The following ATRNL1 variants were observed in gnomAD, a reference collection of about 807,000 sequenced individuals.
ATRNL1 encodes attractin like 1, also known as attractin-like protein 1.
Under a neutral mutation model 182.7 loss-of-function variants are expected in ATRNL1, and 95 were observed. The ratio of observed to expected loss-of-function variants is 0.52; its 90% CI spans 0.44 to 0.62. The LOEUF (loss-of-function observed/expected upper bound fraction) is 0.62, where lower values mean the gene tolerates loss of function less well. ATRNL1 is among the 20% of genes least tolerant of loss of function. The pLI, the probability that ATRNL1 is intolerant of heterozygous loss-of-function variation, is 0.00. For missense variants in ATRNL1, 1,471 were observed against 1,679.5 expected (o/e 0.88, Z 2.17); for synonymous variants, 576 against 568.3 (o/e 1.01, Z -0.19).
chr10:115,929,899 C>G (rs1953344350), intron 28 of ATRNL1, among the ~76,000 whole-genome samples: 1 of 152,054 alleles, frequency 6.6e-6, no homozygotes, highest in African/African-American at 2.4e-5. Context: ...TTTTTAAATA[C>G]TAATCCAATC....
rs868959308 is a variant in ATRNL1, at chr10:115,510,418, C to T, written c.3655-8845C>T. 1.4e-4 allele frequency among the ~76,000 whole-genome samples: 21 copies of T among 152,112 alleles called. 1 individual carries two copies. The Middle Eastern group carries it at 0.017, about 123-fold the overall frequency. On this transcript the variant is annotated intron_variant, in intron 24 of 28. Transcript: ENST00000355044. The stretch of plus-strand genomic sequence containing the variant: ...AGAAATTGCCACAATCACTCCAACC[C>T]TCAGGAACCATTACCCTGATCAGGC...
At chr10:115,803,808 A>G (rs1175957876) in intron 27 of ATRNL1, among the ~76,000 whole-genome samples, 1 of 152,116 alleles carries the variant, frequency 6.6e-6, no homozygotes, top group African/African-American at 2.4e-5. Context: ...TGTTATGAAC[A>G]TATTAACTTA....
intron 7 of ATRNL1, among the ~76,000 whole-genome samples, chr10:115,170,511 T>C (rs149179267): frequency 2.0e-3 from 309 of 150,736 alleles, no homozygotes; most frequent in African/African-American, 7.5e-3. Context: ...GTCTTTTTGG[T>C]GAAGAGCACG....
chr10:115,347,866 G>A (rs780758466), intron 19 of ATRNL1, among the ~76,000 whole-genome samples: 4 of 152,160 alleles, frequency 2.6e-5, no homozygotes, highest in Non-Finnish European at 5.9e-5. Context: ...TAATCTTTGT[G>A]GCTATGGAAA....
At chr10:115,376,941 A>G (rs1054469245) in intron 19 of ATRNL1, among the ~76,000 whole-genome samples, 20 of 152,226 alleles carry the variant, frequency 1.3e-4, no homozygotes, top group African/African-American at 4.8e-4. Flanking sequence ...TTAATTTCAA[A>G]TGATCTATCT....
At chr10:115,446,879 G>A (rs1438878227) in intron 21 of ATRNL1, among the ~76,000 whole-genome samples, 1 of 151,702 alleles carries the variant, frequency 6.6e-6, no homozygotes, top group Non-Finnish European at 1.5e-5. Context: ...TATGAGAGGT[G>A]GTTTGCTTGG....
intron 26 of ATRNL1, among the ~76,000 whole-genome samples, chr10:115,587,804 C>T (rs1855647610): frequency 6.6e-6 from 1 of 152,036 alleles, no homozygotes; most frequent in African/African-American, 2.4e-5. Flanking sequence ...TCTTTTGACA[C>T]TAAACTTTTA....
chr10:115,280,642 C>T (rs782507018), intron 13 of ATRNL1, among the ~76,000 whole-genome samples: 4 of 152,166 alleles, frequency 2.6e-5, no homozygotes, highest in Non-Finnish European at 2.9e-5. Flanking sequence ...AGAAGAACTT[C>T]GTGTAGTCCC....
intron 24 of ATRNL1, among the ~76,000 whole-genome samples, chr10:115,510,334 A>C (rs1294220779): frequency 6.6e-6 from 1 of 152,056 alleles, no homozygotes; most frequent in Non-Finnish European, 1.5e-5. Context: ...GCTGCAGAGA[A>C]ATCTTTCCTG....
At chr10:115,446,951 T>C (rs1021153447) in intron 21 of ATRNL1, among the ~76,000 whole-genome samples, 2 of 151,982 alleles carry the variant, frequency 1.3e-5, no homozygotes, top group Non-Finnish European at 2.9e-5. Flanking sequence ...ACATATATCA[T>C]TTAAAGTGGT....
chr10:115,300,071 T>C lies in ATRNL1; in HGVS notation c.2453T>C (p.Ile818Thr). 6.2e-7 allele frequency: 1 copy of C among 1,613,972 alleles called. No homozygotes were observed. Among genetic ancestry groups the C allele is most frequent in the Non-Finnish European group, 8.5e-7 (1 of 1,179,840 alleles). ...TGGGTAGGCTTGCGCAAGATCAATA[T>C]ATCCTATTGGGGATGGGAAGACATG... ...SPWVGLRKIN[I>T]SYWGWEDMSP... Residue 818 changes from isoleucine to threonine, a missense_variant, in exon 16 of 29, where the codon ATA becomes ACA. By Grantham distance (89) the Ile-to-Thr change is moderately conservative (BLOSUM62 -1). This residue lies in a region of ATRNL1 where 1,031 missense variants were observed against 1,156.0 expected (regional missense o/e 0.89). Transcript: ENST00000355044.
At chr10:115,425,221 G>T (rs1845829766) in intron 20 of ATRNL1, among the ~76,000 whole-genome samples, 1 of 151,314 alleles carries the variant, frequency 6.6e-6, no homozygotes, top group Non-Finnish European at 1.5e-5. Flanking sequence ...CTATTCCTCT[G>T]TTCTTATGAA....
intron 20 of ATRNL1, among the ~76,000 whole-genome samples, chr10:115,405,087 A>G (rs1844754262): frequency 6.6e-6 from 1 of 152,222 alleles, no homozygotes; most frequent in Non-Finnish European, 1.5e-5. Flanking sequence ...TTAGAAAAAG[A>G]AACAAATGTG....
intron 25 of ATRNL1, among the ~76,000 whole-genome samples, chr10:115,540,876 G>GTAC (rs570321496): frequency 6.1e-4 from 93 of 152,070 alleles, no homozygotes; most frequent in African/African-American, 2.2e-3. Context: ...CTTTCATCAG[G>GTAC]TACTAGATCT....
At chr10:115,301,787 G>A in intron 16 of ATRNL1, 68 bp from the exon 17 acceptor site, 2 of 1,352,830 alleles carry the variant, frequency 1.5e-6, no homozygotes, top group Non-Finnish European at 1.9e-6. Context: ...GCAAAGCAAA[G>A]AAAACCCATA....
chr10:115,380,575 C>T (rs1857942534), intron 19 of ATRNL1, among the ~76,000 whole-genome samples: 1 of 152,100 alleles, frequency 6.6e-6, no homozygotes, highest in African/African-American at 2.4e-5. Context: ...TAATCTACTT[C>T]CTATTTCTAT....
At chr10:115,315,432 A>G (rs1455756894) in intron 17 of ATRNL1, 86 bp from the exon 18 acceptor site, 3 of 975,784 alleles carry the variant, frequency 3.1e-6, no homozygotes, top group African/African-American at 1.6e-5. Context: ...GGTTTTTATC[A>G]TGATCATATT....
intron 21 of ATRNL1, among the ~76,000 whole-genome samples, chr10:115,431,265 C>T (rs1367404973): frequency 2.0e-5 from 3 of 151,848 alleles, no homozygotes; most frequent in African/African-American, 4.8e-5. Flanking sequence ...ATTAGCTGGG[C>T]GTGGTGGTGT....
chr10:115,283,842 A>G (rs528526413), intron 14 of ATRNL1, among the ~76,000 whole-genome samples: 2 of 152,292 alleles, frequency 1.3e-5, no homozygotes, highest in African/African-American at 4.8e-5. Context: ...CTCATTCCCT[A>G]GGAAAAAAAT....
Sources: allele counts gnomAD v4.1 joint callset (sites outside exome capture counted in the v4.1 genomes callset), GRCh38; gene constraint gnomAD v4.1.1; regional missense constraint gnomAD v4.1.1; transcripts MANE v1.5; gene names NCBI Gene and HGNC (gene_info 2026-07-23, HGNC 2026-07-21).